MTNAP1: variants seen among roughly 807,000 people sequenced by gnomAD.
The protein encoded by MTNAP1 is mitochondrial nucleoid associated protein 1.
At chr17:73,245,872 T>C in the MTNAP1 span, 2 of 299,628 alleles carry the variant, frequency 6.7e-6, no homozygotes, top group Non-Finnish European at 9.8e-6. Context: ...CCTGGAAACT[T>C]TTCAGAATCC....
chr17:73,242,358 C>T, the MTNAP1 span: 3 of 1,542,482 alleles, frequency 1.9e-6, no homozygotes, highest in Non-Finnish European at 2.6e-6. Flanking sequence ...AAAGGTGAGG[C>T]TGGAGTTTGA....
chr17:73,235,979 C>A, the MTNAP1 span: 14 of 1,614,064 alleles, frequency 8.7e-6, no homozygotes, highest in Admixed American at 2.0e-4. Flanking sequence ...CGATGTAATC[C>A]TTCAGAAGCT....
chr17:73,245,646 C>T, the MTNAP1 span: 1 of 985,342 alleles, frequency 1.0e-6, no homozygotes. Context: ...GGCCCTTCCC[C>T]TTAGTTTCTT....
At chr17:73,236,128 C>G in the MTNAP1 span, 1 of 1,614,180 alleles carries the variant, frequency 6.2e-7, no homozygotes, top group Admixed American at 1.7e-5. Context: ...AAGACAGGAA[C>G]TTCTAGTAAA....
At chr17:73,235,891 A>C in the MTNAP1 span, 2 of 1,614,014 alleles carry the variant, frequency 1.2e-6, no homozygotes, top group Admixed American at 3.3e-5. Flanking sequence ...AGAAGAAACC[A>C]AGGCTCAGTT....
At chr17:73,233,155 G>C in the MTNAP1 span, 1 of 152,300 alleles carries the variant, frequency 6.6e-6, no homozygotes, top group Non-Finnish European at 1.5e-5. Context: ...ATTTGGTTCA[G>C]TATCGTGCCG....
chr17:73,244,803 C>T, the MTNAP1 span: 1 of 176,358 alleles, frequency 5.7e-6, no homozygotes, highest in Non-Finnish European at 1.2e-5. Flanking sequence ...AACAAGGCGG[C>T]AGCACTCCTG....
At chr17:73,237,064 A>G in the MTNAP1 span, 1 of 1,389,408 alleles carries the variant, frequency 7.2e-7, no homozygotes, top group South Asian at 1.5e-5. Flanking sequence ...TGAATTTATA[A>G]GGGTCAAAAT....
the MTNAP1 span, among the ~76,000 whole-genome samples, chr17:73,240,156 G>A: frequency 2.6e-5 from 4 of 152,200 alleles, no homozygotes; most frequent in African/African-American, 4.8e-5. Context: ...CAGGATATAG[G>A]AGGGAAAATA....
At chr17:73,244,194 A>T in the MTNAP1 span, among the ~76,000 whole-genome samples, 1 of 152,230 alleles carries the variant, frequency 6.6e-6, no homozygotes. Context: ...TCTAGTTAAA[A>T]AGATGAGTGG....
chr17:73,236,984 G>C, the MTNAP1 span: 1 of 1,568,996 alleles, frequency 6.4e-7, no homozygotes, highest in Non-Finnish European at 8.6e-7. Context: ...CAGGGGGAAA[G>C]ACTCTCACAA....
At chr17:73,236,927 C>T in the MTNAP1 span, 4 of 1,613,120 alleles carry the variant, frequency 2.5e-6, no homozygotes, top group Non-Finnish European at 3.4e-6. Context: ...CCAGGGAAGC[C>T]TCAGTGTTGG....
chr17:73,243,195 C>T, the MTNAP1 span: 22 of 609,582 alleles, frequency 3.6e-5, no homozygotes, highest in African/African-American at 4.1e-4. Flanking sequence ...GCTCTTGTTG[C>T]CCAGGCTGGA....
the MTNAP1 span, among the ~76,000 whole-genome samples, chr17:73,240,608 A>G: frequency 6.6e-6 from 1 of 152,394 alleles, no homozygotes. Context: ...AGAATGGGCT[A>G]TACCTTTTCT....
the MTNAP1 span, chr17:73,236,629 T>G: frequency 6.2e-7 from 1 of 1,614,210 alleles, no homozygotes; most frequent in East Asian, 2.2e-5. Flanking sequence ...AGCTACAACA[T>G]TTCTTCAAGA....
At chr17:73,237,024 T>C in the MTNAP1 span, 1 of 1,508,252 alleles carries the variant, frequency 6.6e-7, no homozygotes, top group Non-Finnish European at 8.8e-7. Flanking sequence ...AATTGCCATC[T>C]GTCCCATCCA....
At chr17:73,238,337 A>G in the MTNAP1 span, among the ~76,000 whole-genome samples, 2 of 152,132 alleles carry the variant, frequency 1.3e-5, no homozygotes, top group African/African-American at 4.8e-5. Flanking sequence ...TTTCATGCTT[A>G]TTTTGACAGG....
the MTNAP1 span, chr17:73,242,208 G>A: frequency 1.4e-6 from 2 of 1,432,274 alleles, no homozygotes; most frequent in Non-Finnish European, 9.7e-7. Flanking sequence ...GTACGTTTCG[G>A]TAAACAATGA....
At chr17:73,242,979 T>A in the MTNAP1 span, 3 of 1,613,844 alleles carry the variant, frequency 1.9e-6, no homozygotes, top group South Asian at 3.3e-5. Context: ...CGTCCTGTGT[T>A]GTAGCTGGAG....
Sources: gnomAD v4.1 joint callset for allele counts (sites outside exome capture counted in the v4.1 genomes callset) on GRCh38, gnomAD v4.1.1 for gene constraint, MANE v1.5 for transcripts, NCBI Gene and HGNC (gene_info 2026-07-23, HGNC 2026-07-21) for gene names.